The following ANO5 variants were observed in gnomAD, a reference collection of about 807,000 sequenced individuals.
The protein encoded by ANO5 is anoctamin-5.
A neutral mutation model predicts 121.0 loss-of-function variants in ANO5; 109 were observed. The observed-to-expected ratio is 0.90, with a 90% CI of 0.77 to 1.06. ANO5 has a LOEUF of 1.06. ANO5 is among the 50% of genes least tolerant of loss of function. The pLI, the probability that ANO5 is intolerant of heterozygous loss-of-function variation, is 0.00. For missense variants in ANO5, 1,064 were observed against 1,078.5 expected, an observed-to-expected ratio of 0.99 and a Z score of 0.19; for synonymous variants, 406 against 359.9, an observed-to-expected ratio of 1.13 and a Z score of -1.45.
intron 17 of ANO5, among the ~76,000 whole-genome samples, chr11:22,264,296 A>T (rs1410611264): frequency 6.6e-6 from 1 of 152,088 alleles, no homozygotes; most frequent in Non-Finnish European, 1.5e-5. Flanking sequence ...AAGTGCTGGG[A>T]TTACAGGCGT....
intron 4 of ANO5, among the ~76,000 whole-genome samples, chr11:22,220,860 G>A (rs1372236384): frequency 6.6e-6 from 1 of 151,706 alleles, no homozygotes; most frequent in African/African-American, 2.4e-5. Context: ...TCATATTTTG[G>A]TATGTTTGCA....
intron 9 of ANO5, among the ~76,000 whole-genome samples, chr11:22,241,133 T>A: frequency 6.6e-6 from 1 of 151,696 alleles, no homozygotes; most frequent in Non-Finnish European, 1.5e-5. Flanking sequence ...ACCCAAGTAG[T>A]GAGCATAGTA....
chr11:22,245,437 C>A (rs1853584001), intron 9 of ANO5, among the ~76,000 whole-genome samples: 1 of 152,086 alleles, frequency 6.6e-6, no homozygotes, highest in Non-Finnish European at 1.5e-5. Context: ...GGAGTTCAAT[C>A]AATTTTTGTT....
chr11:22,223,226 G>T (rs969405082), intron 5 of ANO5, among the ~76,000 whole-genome samples: 1 of 151,934 alleles, frequency 6.6e-6, no homozygotes, highest in African/African-American at 2.4e-5. Flanking sequence ...ATATAGTCAT[G>T]CTTATGGAGA....
At chr11:22,226,147 C>T in intron 6 of ANO5, 95 bp downstream of exon 6, 1 of 994,682 alleles carries the variant, frequency 1.0e-6, no homozygotes, top group Non-Finnish European at 1.6e-6. Context: ...TGTTTGGGGG[C>T]AATACAATAG....
chr11:22,245,634 T>C (rs1190814306), intron 9 of ANO5, among the ~76,000 whole-genome samples: 1 of 152,210 alleles, frequency 6.6e-6, no homozygotes, highest in African/African-American at 2.4e-5. Flanking sequence ...TTTCTGATTT[T>C]GCTTTTGTTT....
In ANO5 at chr11:22,197,030, T is replaced by A. The variant is rs186827450; in HGVS notation, c.40+3498T>A. ...TATAAGAAGACTTTTTAGACTAAAT[T>A]TACCCATATAGGTAAGCCTTGATTT... On this transcript the variant is annotated intron_variant, in intron 1 of 21. Coordinates refer to ENST00000324559, the MANE Select transcript of ANO5 (RefSeq NM_213599.3). Among the ~76,000 whole-genome samples, 11 of 152,338 alleles carry A rather than the reference T, an allele frequency of 7.2e-5. No individual in the cohort carries two copies. The East Asian group carries it at 1.7e-3, about 24-fold the overall frequency.
At chr11:22,227,227 A>T in intron 6 of ANO5, 75 bp from the exon 7 acceptor site, 1 of 1,549,626 alleles carries the variant, frequency 6.5e-7, no homozygotes, top group Non-Finnish European at 8.8e-7. Flanking sequence ...ATAAAATATT[A>T]TCCATCTTAT....
intron 19 of ANO5, 144 bp downstream of exon 19, chr11:22,273,133 C>G: frequency 1.2e-6 from 1 of 865,772 alleles, no homozygotes; most frequent in Non-Finnish European, 1.9e-6. Flanking sequence ...ATGCGCTAAC[C>G]AATATAGAAA....
At chr11:22,203,875 C>T in intron 2 of ANO5, 25 bp downstream of exon 2, 1 of 1,391,616 alleles carries the variant, frequency 7.2e-7, no homozygotes, top group Non-Finnish European at 1.0e-6. Flanking sequence ...TATGCATTAA[C>T]TTCCTTATAA....
intron 21 of ANO5, among the ~76,000 whole-genome samples, chr11:22,277,235 G>A (rs957211709): frequency 2.0e-5 from 3 of 151,420 alleles, no homozygotes; most frequent in African/African-American, 7.3e-5. Flanking sequence ...TTCTCCTACT[G>A]CTCAATAATT....
chr11:22,262,189 A>T lies in ANO5; in HGVS notation c.1691A>T (p.Gln564Leu), dbSNP rs1410381664. 2 of 1,613,862 alleles carry T rather than the reference A, an allele frequency of 1.2e-6. No individual in the cohort carries two copies. Among genetic ancestry groups the T allele is most frequent in the Non-Finnish European group, 1.7e-6 (2 of 1,179,966 alleles). The part of the protein sequence containing the change: ...SSLTLKMFLF[Q>L]FVNFYSSCFY... ...CTTACCTTGAAAATGTTCCTGTTTC[A>T]GTTTGTAAATTTTTACTCATCCTGC... Residue 564 changes from glutamine (Q) to leucine (L), a missense_variant, in exon 16 of 22, where the codon CAG becomes CTG. Physicochemically the swap from Gln to Leu is moderately radical, Grantham distance 113. Transcript: ENST00000324559.
At chr11:22,219,261 G>A (rs1051831146) in intron 4 of ANO5, among the ~76,000 whole-genome samples, 9 of 151,956 alleles carry the variant, frequency 5.9e-5, no homozygotes, top group Non-Finnish European at 1.3e-4. Context: ...CTTTCAGAAG[G>A]ACAGTATGTA....
rs188412480 is a variant in ANO5 at position 22,225,099 on chromosome 11, A to G, written c.295-885A>G. ...AAATGGTAAAGATGGTAAGTTATAT[A>G]TGTATATTTTAACTCAATAAAAATG... On this transcript the variant is annotated intron_variant, in intron 5 of 21. Coordinates refer to ENST00000324559, the MANE Select transcript of ANO5 (RefSeq NM_213599.3). 1.9e-3 allele frequency among the ~76,000 whole-genome samples: 285 copies of G among 151,666 alleles called. 3 individuals are homozygous for G. Among genetic ancestry groups the G allele is most frequent in the African/African-American group, 6.3e-3 (260 of 41,066 alleles).
chr11:22,270,266 T>G lies in ANO5; in HGVS notation c.1899-46T>G, dbSNP rs756316963. 54 of 1,610,202 alleles carry G rather than the reference T, an allele frequency of 3.4e-5. No individual in the cohort carries two copies. In the East Asian group the frequency reaches 1.2e-3, roughly 35 times the overall value. On this transcript the variant is annotated intron_variant, in intron 17 of 21. Transcript: ENST00000324559. ...TAACACTCTGATTCTCTGATCGCTT[T>G]CTTTTTGGTCCTATTTCATATATTA...
rs199664990 is a variant in ANO5, at chr11:22,250,928, T to A, written c.1120-23T>A. ...ATTTAGTACTAAATTATCTTTGTGA[T>A]ATTGTTATTGTTATTTTTACAGTTC... On this transcript the variant is annotated intron_variant, in intron 11 of 21. Transcript: ENST00000324559. 3.9e-4 allele frequency: 625 copies of A among 1,609,682 alleles called. 5 individuals are homozygous for A. In the African/African-American group the frequency reaches 7.3e-3, roughly 19 times the overall value.
At chr11:22,269,470 AAAAG>A (rs1481536538) in intron 17 of ANO5, among the ~76,000 whole-genome samples, 2,038 of 81,190 alleles carry the variant, frequency 0.025, 78 homozygotes, top group African/African-American at 0.089. Context: ...GGAAGGAGAA[AAAAG>A]AAAAGAAAGG....
chr11:22,266,540 T>A (rs1440251380), intron 17 of ANO5, among the ~76,000 whole-genome samples: 1 of 152,208 alleles, frequency 6.6e-6, no homozygotes, highest in Non-Finnish European at 1.5e-5. Context: ...ATAAGTATTT[T>A]TGGCCATATT....
intron 5 of ANO5, among the ~76,000 whole-genome samples, chr11:22,224,934 G>C (rs1193869241): frequency 6.6e-6 from 1 of 152,020 alleles, no homozygotes; most frequent in Non-Finnish European, 1.5e-5. Context: ...TCTCACTCAT[G>C]TGCAGGAGGT....
Sources: allele counts gnomAD v4.1 joint callset (sites outside exome capture counted in the v4.1 genomes callset), GRCh38; gene constraint gnomAD v4.1.1; transcripts MANE v1.5; gene names NCBI Gene and HGNC (gene_info 2026-07-23, HGNC 2026-07-21).